ZDHHC15: variants seen among roughly 807,000 people sequenced by gnomAD.
ZDHHC15 encodes the protein zDHHC palmitoyltransferase 15, also known as palmitoyltransferase ZDHHC15.
Under a neutral mutation model 31.7 loss-of-function variants are expected in ZDHHC15, and 19 were observed. The ratio of observed to expected loss-of-function variants is 0.60; its 90% CI spans 0.42 to 0.88. The LOEUF is 0.88. ZDHHC15 is among the 40% of genes least tolerant of loss of function. The pLI, the probability that ZDHHC15 is intolerant of heterozygous loss-of-function variation, is 0.00. For synonymous variants in ZDHHC15, 103 were observed against 90.0 expected, an observed-to-expected ratio of 1.14 and a Z score of -0.82; for missense variants, 209 against 251.2, an observed-to-expected ratio of 0.83 and a Z score of 1.14.
intron 1 of ZDHHC15, among the ~76,000 whole-genome samples, chrX:75,511,638 A>G (rs922390134): frequency 2.1e-4 from 22 of 106,403 alleles, no homozygotes; most frequent in African/African-American, 7.5e-4. Context: ...TGTTTTGGAC[A>G]TGAAGTCCTT....
At chrX:75,402,602 T>C (rs1299349372) in intron 10 of ZDHHC15, among the ~76,000 whole-genome samples, 1 of 111,531 alleles carries the variant, frequency 9.0e-6, no homozygotes. Flanking sequence ...CAGAAGCTAC[T>C]ATGAACACCT....
At chrX:75,457,273 C>T (rs938556258) in intron 3 of ZDHHC15, among the ~76,000 whole-genome samples, 5 of 109,857 alleles carry the variant, frequency 4.6e-5, no homozygotes, top group African/African-American at 1.7e-4. Context: ...AGTTTATTGG[C>T]CATTTGGATA....
intron 7 of ZDHHC15, among the ~76,000 whole-genome samples, chrX:75,428,264 T>C (rs762113216): frequency 6.0e-4 from 67 of 111,796 alleles, no homozygotes; most frequent in Middle Eastern, 9.2e-3. Flanking sequence ...TAGTATGACA[T>C]TTAAAAAGAA....
intron 5 of ZDHHC15, 140 bp downstream of exon 5, chrX:75,431,311 G>A (rs2083777306): frequency 4.3e-6 from 2 of 465,518 alleles, no homozygotes; most frequent in African/African-American, 4.8e-5. Flanking sequence ...ATCCGTGTGA[G>A]GGGTTTTGGC....
rs760934695 is a variant in ZDHHC15, at chrX:75,374,658, A to AGTGTGT, written c.*33-1719_*33-1714dup. Reference sequence around the variant, plus strand: ...ATTAATAGATGGAAAAGTAAATTTTAGTGTGTGTGTGTGTGTGTGTGTGTG... The same window carrying AGTGTGT: ...ATTAATAGATGGAAAAGTAAATTTTAGTGTGTGTGTGTGTGTGTGTGTGTGTGTGTG... On this transcript the variant is annotated intron_variant, in intron 11 of 11. Transcript: ENST00000373367. Among the ~76,000 whole-genome samples the AGTGTGT allele has an allele frequency of 4.5e-3, 452 of 100,009 alleles. 3 individuals carry two copies. The highest frequency in any genetic ancestry group is 0.017 in the African/African-American group (435 of 26,227). 86.8% of individuals were successfully genotyped at this position (100,009 alleles called of 115,157 possible).
At chrX:75,423,914 C>T (rs2083680109) in intron 8 of ZDHHC15, among the ~76,000 whole-genome samples, 2 of 110,887 alleles carry the variant, frequency 1.8e-5, no homozygotes, top group Non-Finnish European at 3.8e-5. Flanking sequence ...ATTCAACATT[C>T]AAAACTTGGA....
intron 3 of ZDHHC15, among the ~76,000 whole-genome samples, chrX:75,474,021 G>C (rs2084547305): frequency 9.0e-6 from 1 of 111,183 alleles, no homozygotes. Context: ...CAGGAGATGT[G>C]TATGGTTTCA....
Position 75,456,535 on chromosome X carries a change from A to G in ZDHHC15, c.259-5613T>C, listed in dbSNP as rs187008308. ...AACAAAAAAGAATGGCAATAATTAAAAAGTCTGGAAACAACAGATGCTGTC... is the reference window on the plus strand; with the variant it reads ...AACAAAAAAGAATGGCAATAATTAAGAAGTCTGGAAACAACAGATGCTGTC... On this transcript the variant is annotated intron_variant, in intron 3 of 11. Transcript: ENST00000373367. Among the ~76,000 whole-genome samples the G allele has an allele frequency of 1.7e-3, 184 of 111,430 alleles. 1 individual carries two copies. Among genetic ancestry groups the G allele is most frequent in the African/African-American group, 5.9e-3 (180 of 30,715 alleles).
rs4892404 is a variant in ZDHHC15, at chrX:75,379,885, T to A, written c.968-687A>T. Among the ~76,000 whole-genome samples the A allele has an allele frequency of 2.1e-4, 23 of 107,691 alleles. No individual in the cohort carries two copies. In the Admixed American group the frequency reaches 2.3e-3, roughly 11 times the overall value. The allele number at this position is 107,691 out of a possible 115,157, so 93.5% of individuals were successfully genotyped here. A position where few individuals can be genotyped will look rare whatever the true frequency, so the allele number is the denominator to read the frequency against. On this transcript the variant is annotated intron_variant, in intron 10 of 11. Transcript: ENST00000373367. ...TTCTTAAGTGTGAAATCTAGATTCC[T>A]AAAGACAGAGGCCAGCCAGTCAGTG...
intron 2 of ZDHHC15, among the ~76,000 whole-genome samples, chrX:75,504,314 T>G (rs2085127467): frequency 8.9e-6 from 1 of 111,906 alleles, no homozygotes; most frequent in Admixed American, 9.6e-5. Flanking sequence ...TTTTTGCCAA[T>G]GCCAAATAAT....
intron 10 of ZDHHC15, among the ~76,000 whole-genome samples, chrX:75,390,446 G>T (rs773382032): frequency 3.6e-4 from 40 of 111,526 alleles, no homozygotes; most frequent in Non-Finnish European, 6.6e-4. Flanking sequence ...CAGCCCTAGT[G>T]GTGGTGGCCA....
intron 3 of ZDHHC15, among the ~76,000 whole-genome samples, chrX:75,467,451 T>C (rs2084424791): frequency 1.8e-5 from 2 of 112,432 alleles, no homozygotes; most frequent in Non-Finnish European, 3.8e-5. Context: ...TGAAAACTTA[T>C]AATACAGTGA....
intron 4 of ZDHHC15, among the ~76,000 whole-genome samples, chrX:75,442,810 C>G (rs979496226): frequency 5.6e-5 from 6 of 107,540 alleles, no homozygotes; most frequent in African/African-American, 2.0e-4. Flanking sequence ...CAAGGTGAAA[C>G]CCCGTCTCTA....
At chrX:75,381,834 C>T (rs1442972385) in intron 10 of ZDHHC15, among the ~76,000 whole-genome samples, 1 of 110,996 alleles carries the variant, frequency 9.0e-6, no homozygotes, top group African/African-American at 3.3e-5. Context: ...TAAGTCCTGC[C>T]TCATCTTCAA....
At chrX:75,486,328 T>TA (rs2084777077) in intron 2 of ZDHHC15, among the ~76,000 whole-genome samples, 1 of 112,345 alleles carries the variant, frequency 8.9e-6, no homozygotes, top group African/African-American at 3.2e-5. Flanking sequence ...TTCCTGGCTT[T>TA]ATCTCACAGA....
rs374773878 is a variant in ZDHHC15, at chrX:75,429,240, A to T, written c.483-42T>A. ...ACTAATTTGACATCAGGACCTCTTG[A>T]TTGAGAGCACACTGATACATAAGTG... On this transcript the variant is annotated intron_variant, in intron 6 of 11. Transcript: ENST00000373367. 8.5e-6 allele frequency: 10 copies of T among 1,176,162 alleles called. No individual in the cohort carries two copies. In the African/African-American group the frequency reaches 1.4e-4, roughly 17 times the overall value.
chrX:75,463,741 A>T (rs866069237), intron 3 of ZDHHC15, among the ~76,000 whole-genome samples: 3 of 111,625 alleles, frequency 2.7e-5, no homozygotes, highest in Non-Finnish European at 5.7e-5. Flanking sequence ...ACCACAATGA[A>T]ATACCATCTC....
intron 3 of ZDHHC15, among the ~76,000 whole-genome samples, chrX:75,469,871 C>T (rs1337800412): frequency 8.9e-6 from 1 of 112,132 alleles, no homozygotes; most frequent in Non-Finnish European, 1.9e-5. Flanking sequence ...TTCTTTACAT[C>T]TTCACCAACA....
At chrX:75,423,512 C>G (rs1300932547) in intron 8 of ZDHHC15, among the ~76,000 whole-genome samples, 1 of 104,350 alleles carries the variant, frequency 9.6e-6, no homozygotes, top group Non-Finnish European at 1.9e-5. Flanking sequence ...TGTGTTGCTG[C>G]AAAGGACAGG....
Sources: gnomAD v4.1 joint callset for allele counts (sites outside exome capture counted in the v4.1 genomes callset) on GRCh38, gnomAD v4.1.1 for gene constraint, MANE v1.5 for transcripts, NCBI Gene and HGNC (gene_info 2026-07-23, HGNC 2026-07-21) for gene names.